FAM227A: variants seen among roughly 807,000 people sequenced by gnomAD.
FAM227A encodes protein FAM227A.
In FAM227A, 80 loss-of-function variants were observed where a neutral mutation model predicts 74.7. The observed-to-expected ratio is 1.07, with a 90% CI of 0.89 to 1.29. The LOEUF (loss-of-function observed/expected upper bound fraction) is 1.29. FAM227A is among the 50% of genes most tolerant of loss of function. The pLI is 0.00. For synonymous variants in FAM227A, 237 were observed against 241.8 expected, an observed-to-expected ratio of 0.98 and a Z score of 0.19; for missense variants, 654 against 683.4, an observed-to-expected ratio of 0.96 and a Z score of 0.48.
Position 38,599,833 on chromosome 22 carries a change from T to G in FAM227A, c.1310A>C (p.Asn437Thr). ...GCCGTGCTGCTGCAGACTGGCATAG[T>G]TCTGGAGAAAGTACACAATCAGAGG... Reference protein sequence around the residue: ...KSPLIVYFLQNYASLQQHGKN... With the variant: ...KSPLIVYFLQTYASLQQHGKN... Residue 437 changes from asparagine (N) to threonine (T), a missense_variant, in exon 14 of 17, where the codon AAC becomes ACC. Asn to Thr is a moderately conservative substitution (Grantham distance 65). Coordinates refer to ENST00000535113, the MANE Select transcript of FAM227A (RefSeq NM_001013647.2). 1 of 1,551,658 alleles carries G rather than the reference T, an allele frequency of 6.4e-7. No homozygotes were observed. The highest frequency in any genetic ancestry group is 8.7e-7 in the Non-Finnish European group (1 of 1,146,974).
intron 9 of FAM227A, among the ~76,000 whole-genome samples, chr22:38,623,510 C>CA (rs2091736170): frequency 6.6e-6 from 1 of 152,086 alleles, no homozygotes; most frequent in African/African-American, 2.4e-5. Flanking sequence ...GCTGGGCTTC[C>CA]AGTGTTAGCC....
At chr22:38,645,519 TC>T in intron 3 of FAM227A, 43 bp downstream of exon 3, 2 of 1,381,044 alleles carry the variant, frequency 1.4e-6, no homozygotes, top group Non-Finnish European at 2.0e-6. Flanking sequence ...CCGGGGCCCT[TC>T]CCTGTCAGAA....
chr22:38,645,775 G>A (rs1306144374), intron 2 of FAM227A, 130 bp from the exon 3 acceptor site: 4 of 609,960 alleles, frequency 6.6e-6, no homozygotes, highest in East Asian at 3.1e-5. Flanking sequence ...TGCATTCAGA[G>A]TTTTCACATT....
intron 11 of FAM227A, among the ~76,000 whole-genome samples, chr22:38,616,093 A>C (rs1461963424): frequency 6.6e-6 from 1 of 152,196 alleles, no homozygotes; most frequent in Non-Finnish European, 1.5e-5. Context: ...GGGGCTTGGG[A>C]AAGAGTAGAC....
intron 11 of FAM227A, among the ~76,000 whole-genome samples, chr22:38,611,187 C>T (rs552763988): frequency 3.3e-5 from 5 of 152,208 alleles, no homozygotes; most frequent in Admixed American, 6.5e-5. Context: ...CTGAGACCCC[C>T]TGTCCCATCC....
intron 4 of FAM227A, 35 bp from the exon 5 acceptor site, chr22:38,638,857 C>A: frequency 7.1e-7 from 1 of 1,401,932 alleles, no homozygotes; most frequent in Non-Finnish European, 9.7e-7. Flanking sequence ...AAATGAGTAA[C>A]CACAGGGTCT....
chr22:38,591,319 T>A, intron 16 of FAM227A, 116 bp downstream of exon 16: 1 of 1,433,070 alleles, frequency 7.0e-7, no homozygotes, highest in Non-Finnish European at 9.1e-7. Flanking sequence ...TGAGACTCTG[T>A]CTCAGTAAAA....
intron 3 of FAM227A, among the ~76,000 whole-genome samples, chr22:38,644,145 CAAAAAAAAAAA>C (rs950184744): frequency 2.3e-5 from 1 of 43,600 alleles, no homozygotes; most frequent in Admixed American, 2.6e-4. Context: ...GACTCCATCT[CAAAAAAAAAAA>C]AAAAAAAAAA....
At chr22:38,591,729 G>A (rs1474948278) in intron 15 of FAM227A, among the ~76,000 whole-genome samples, 189 bp from the exon 16 acceptor site, 2 of 152,062 alleles carry the variant, frequency 1.3e-5, no homozygotes, top group South Asian at 2.1e-4. Flanking sequence ...TACTGAGCAC[G>A]CCCATGTAAC....
Position 38,585,839 on chromosome 22 carries a change from T to A in FAM227A, c.*286A>T, listed in dbSNP as rs755703547. On this transcript the variant is annotated 3_prime_UTR_variant, in exon 17 of 17. Transcript: ENST00000535113. ...CTTCATACGGCTGGTATGAAAGTTT[T>A]ACCTTTGTATGAGGTCATATTTGTA... 2.6e-5 allele frequency: 16 copies of A among 611,158 alleles called. No individual in the cohort carries two copies. The highest frequency in any genetic ancestry group is 3.8e-5 in the Non-Finnish European group (14 of 372,798). The allele number at this position is 611,158 out of a possible 1,614,324, so 37.9% of individuals were successfully genotyped here.
chr22:38,614,917 G>C (rs115450245), intron 11 of FAM227A, among the ~76,000 whole-genome samples: 1 of 152,186 alleles, frequency 6.6e-6, no homozygotes, highest in Non-Finnish European at 1.5e-5. Flanking sequence ...GGGAACTGAC[G>C]TTTACAGAGC....
intron 6 of FAM227A, among the ~76,000 whole-genome samples, chr22:38,633,356 TTAAA>T (rs1364793046): frequency 1.3e-5 from 2 of 152,160 alleles, no homozygotes; most frequent in Middle Eastern, 3.2e-3. Flanking sequence ...AAATGGGGCA[TTAAA>T]TAACATAGCA....
At chr22:38,605,992 A>G (rs2091274559) in intron 12 of FAM227A, among the ~76,000 whole-genome samples, 2 of 152,174 alleles carry the variant, frequency 1.3e-5, no homozygotes, top group South Asian at 2.1e-4. Context: ...GTATTTGTCT[A>G]TTTGCCATCC....
intron 11 of FAM227A, among the ~76,000 whole-genome samples, chr22:38,609,534 G>A (rs1211800636): frequency 1.3e-5 from 2 of 152,130 alleles, no homozygotes; most frequent in Non-Finnish European, 2.9e-5. Flanking sequence ...TAGGAGGTTG[G>A]CAATGTTAAA....
At chr22:38,647,306 A>T (rs1338249915) in intron 2 of FAM227A, among the ~76,000 whole-genome samples, 2 of 152,088 alleles carry the variant, frequency 1.3e-5, no homozygotes, top group African/African-American at 4.8e-5. Context: ...CTCTACTAAA[A>T]ATACAAAAAT....
intron 13 of FAM227A, among the ~76,000 whole-genome samples, chr22:38,604,202 C>G (rs1346492730): frequency 6.6e-6 from 1 of 152,128 alleles, no homozygotes; most frequent in Non-Finnish European, 1.5e-5. Flanking sequence ...TGGCACACGC[C>G]TGTAGTCCCA....
At chr22:38,637,707 T>C (rs2092034214) in intron 5 of FAM227A, among the ~76,000 whole-genome samples, 1 of 152,226 alleles carries the variant, frequency 6.6e-6, no homozygotes, top group Non-Finnish European at 1.5e-5. Flanking sequence ...TCAGCCACCA[T>C]CAATGGATTG....
At chr22:38,593,539 A>G (rs1272245313) in intron 15 of FAM227A, among the ~76,000 whole-genome samples, 3 of 152,058 alleles carry the variant, frequency 2.0e-5, no homozygotes, top group Non-Finnish European at 4.4e-5. Flanking sequence ...AAAAGAATAA[A>G]TAAAGCATAA....
intron 1 of FAM227A, among the ~76,000 whole-genome samples, chr22:38,652,058 C>A (rs1163256056): frequency 6.6e-6 from 1 of 151,742 alleles, no homozygotes; most frequent in East Asian, 2.0e-4. Context: ...TGGTGGCAGG[C>A]CCCTGTAATC....
Sources: gnomAD v4.1 joint callset for allele counts (sites outside exome capture counted in the v4.1 genomes callset) on GRCh38, gnomAD v4.1.1 for gene constraint, MANE v1.5 for transcripts, NCBI Gene and HGNC (gene_info 2026-07-23, HGNC 2026-07-21) for gene names.